The following GAS7 variants were observed in gnomAD, a reference collection of about 807,000 sequenced individuals.
The protein encoded by GAS7 is growth arrest-specific protein 7.
Under a neutral mutation model 71.1 loss-of-function variants are expected in GAS7, and 28 were observed. That is an observed-to-expected ratio of 0.39 (90% CI 0.29 to 0.54). GAS7 has a LOEUF of 0.54. GAS7 is among the 20% of genes least tolerant of loss of function. The probability of loss-of-function intolerance (pLI) is 0.62; values close to 1 mark genes in which losing one functional copy is unlikely to be tolerated. For missense variants in GAS7, 436 were observed against 627.8 expected (o/e 0.69, Z 3.27); for synonymous variants, 258 against 245.8 (o/e 1.05, Z -0.46).
intron 1 of GAS7, among the ~76,000 whole-genome samples, chr17:10,023,106 C>A (rs752701085): frequency 6.6e-6 from 1 of 152,214 alleles, no homozygotes; most frequent in Non-Finnish European, 1.5e-5. Context: ...TGATACTGAG[C>A]CGTGAAGGGC....
chr17:10,185,342 T>C (rs1374908408), intron 1 of GAS7, among the ~76,000 whole-genome samples: 2 of 152,100 alleles, frequency 1.3e-5, no homozygotes, highest in African/African-American at 4.8e-5. Context: ...TGCCCTGGCA[T>C]TGAACAGGCA....
At chr17:10,004,846 C>CA (rs1461749079) in intron 2 of GAS7, among the ~76,000 whole-genome samples, 3 of 152,088 alleles carry the variant, frequency 2.0e-5, no homozygotes, top group African/African-American at 4.8e-5. Context: ...CCTGTCTCTA[C>CA]AAAAAATACA....
intron 4 of GAS7, among the ~76,000 whole-genome samples, chr17:9,968,576 T>G (rs1023397377): frequency 3.3e-5 from 5 of 152,216 alleles, no homozygotes; most frequent in African/African-American, 1.2e-4. Flanking sequence ...ATTAACACTC[T>G]TGTCCATGAT....
intron 2 of GAS7, among the ~76,000 whole-genome samples, chr17:10,005,050 T>TATATAA (rs1296844463): frequency 6.7e-6 from 1 of 150,080 alleles, no homozygotes; most frequent in African/African-American, 2.5e-5. Context: ...TACATATATA[T>TATATAA]ACACATATAT....
intron 1 of GAS7, among the ~76,000 whole-genome samples, chr17:10,184,517 C>T (rs748896914): frequency 1.3e-5 from 2 of 152,194 alleles, no homozygotes; most frequent in African/African-American, 4.8e-5. Context: ...GTCTTGCAGA[C>T]AAACTGAAAA....
intron 1 of GAS7, among the ~76,000 whole-genome samples, chr17:10,179,497 C>T (rs1220985399): frequency 2.0e-5 from 3 of 152,152 alleles, no homozygotes; most frequent in Non-Finnish European, 4.4e-5. Context: ...ATTCCCCTCC[C>T]CTTCAATCCC....
intron 1 of GAS7, among the ~76,000 whole-genome samples, chr17:10,155,321 T>A (rs1567613131): frequency 4.8e-5 from 6 of 126,066 alleles, no homozygotes; most frequent in African/African-American, 1.9e-4. Flanking sequence ...CGGCCACCAA[T>A]AACTCTTTTT....
At chr17:9,962,261 CACACACGTG>C (rs1038442790) in intron 4 of GAS7, among the ~76,000 whole-genome samples, 3 of 151,986 alleles carry the variant, frequency 2.0e-5, no homozygotes, top group African/African-American at 4.8e-5. Context: ...CACACACACA[CACACACGTG>C]ACACACACAC....
At chr17:9,995,996 T>C (rs2071025743) in intron 2 of GAS7, among the ~76,000 whole-genome samples, 1 of 152,234 alleles carries the variant, frequency 6.6e-6, no homozygotes, top group South Asian at 2.1e-4. Context: ...AAATAAAATG[T>C]CTGTGCTTGT....
chr17:10,189,002 T>C (rs1391677078), intron 1 of GAS7, among the ~76,000 whole-genome samples: 1 of 152,230 alleles, frequency 6.6e-6, no homozygotes, highest in Non-Finnish European at 1.5e-5. Context: ...TATACTGATA[T>C]GTTCCTCTTT....
intron 1 of GAS7, among the ~76,000 whole-genome samples, chr17:10,131,221 T>C (rs970028118): frequency 6.6e-6 from 1 of 152,224 alleles, no homozygotes; most frequent in Non-Finnish European, 1.5e-5. Flanking sequence ...TGTTTACCTA[T>C]GATTACTGAG....
At chr17:10,070,302 C>G (rs1349372589) in intron 1 of GAS7, among the ~76,000 whole-genome samples, 3 of 151,584 alleles carry the variant, frequency 2.0e-5, no homozygotes, top group Non-Finnish European at 4.4e-5. Context: ...GGTCAGCTGC[C>G]CAGCCTCCCA....
At chr17:9,992,083 G>A (rs1033397820) in intron 2 of GAS7, among the ~76,000 whole-genome samples, 20 of 152,096 alleles carry the variant, frequency 1.3e-4, no homozygotes, top group Non-Finnish European at 2.9e-4. Context: ...TTTATCAAGC[G>A]ATCTCAGTGA....
At chr17:10,045,028 G>A (rs1399049981) in intron 1 of GAS7, among the ~76,000 whole-genome samples, 4 of 137,038 alleles carry the variant, frequency 2.9e-5, no homozygotes, top group Non-Finnish European at 4.6e-5. Context: ...GCGACAGAGC[G>A]AGACTCCATC....
rs78417379 is a variant in GAS7 at position 10,151,144 on chromosome 17, A to T, written c.183+47064T>A. Among the ~76,000 whole-genome samples the T allele has an allele frequency of 1.7e-3, 262 of 152,248 alleles. 1 individual carries two copies. Among genetic ancestry groups the T allele is most frequent in the African/African-American group, 6.0e-3 (251 of 41,538 alleles). Reference sequence around the variant, plus strand: ...GGACCTGACTTAAAAGCATATTTCCAGATGTCAGACTTCTTCTTTTTTTAA... The same window carrying T: ...GGACCTGACTTAAAAGCATATTTCCTGATGTCAGACTTCTTCTTTTTTTAA... On this transcript the variant is annotated intron_variant, in intron 1 of 13. Coordinates refer to ENST00000432992, the MANE Select transcript of GAS7 (RefSeq NM_201433.2).
At chr17:10,009,563 A>AGT (rs1012898137) in intron 2 of GAS7, among the ~76,000 whole-genome samples, 3 of 149,324 alleles carry the variant, frequency 2.0e-5, no homozygotes, top group African/African-American at 7.4e-5. Flanking sequence ...TAAAAGCCTG[A>AGT]GTGTGGTACT....
intron 1 of GAS7, among the ~76,000 whole-genome samples, chr17:10,028,313 G>A (rs2072523127): frequency 6.6e-6 from 1 of 152,118 alleles, no homozygotes; most frequent in South Asian, 2.1e-4. Context: ...GTTAGAGACT[G>A]CAGTAAGCTA....
rs373709974 is a variant in GAS7, at chr17:9,982,121, C to T, written c.305-237G>A. On this transcript the variant is annotated intron_variant, in intron 2 of 13. Transcript: ENST00000432992. The stretch of plus-strand genomic sequence containing the variant: ...CACAGAGCTTGTTTTTGCTGGGGGC[C>T]CTTCTTGATGAGGCTGGGGCCAGAA... Among the ~76,000 whole-genome samples, 262 of 152,206 alleles carry T rather than the reference C, an allele frequency of 1.7e-3. 4 individuals carry two copies. Among genetic ancestry groups the T allele is most frequent in the African/African-American group, 6.0e-3 (251 of 41,526 alleles).
At chr17:10,186,617 G>T (rs1261894639) in intron 1 of GAS7, among the ~76,000 whole-genome samples, 1 of 152,084 alleles carries the variant, frequency 6.6e-6, no homozygotes, top group Non-Finnish European at 1.5e-5. Context: ...CATTGGCCAG[G>T]CTGGTCTCGA....
Sources: gnomAD v4.1 joint callset for allele counts (sites outside exome capture counted in the v4.1 genomes callset) on GRCh38, gnomAD v4.1.1 for gene constraint, MANE v1.5 for transcripts, NCBI Gene and HGNC (gene_info 2026-07-23, HGNC 2026-07-21) for gene names.